Variants in TUB observed in about 807,000 individuals in gnomAD.
The protein encoded by TUB is TUB bipartite transcription factor, also known as tubby protein homolog.
TUB carries 33 observed loss-of-function variants against 59.7 expected under a neutral mutation model. That is an observed-to-expected ratio of 0.55 (90% CI 0.42 to 0.74). The LOEUF is 0.74. TUB is among the 30% of genes least tolerant of loss of function. TUB has a pLI of 0.00. For missense variants in TUB, 659 were observed against 672.0 expected, an observed-to-expected ratio of 0.98 and a Z score of 0.21; for synonymous variants, 293 against 256.4, an observed-to-expected ratio of 1.14 and a Z score of -1.36.
chr11:8,061,591 G>A (rs140028852), intron 2 of TUB, among the ~76,000 whole-genome samples: 96 of 152,226 alleles, frequency 6.3e-4, no homozygotes, highest in Non-Finnish European at 1.1e-3. Context: ...GTAGGACGAG[G>A]ACAGTCGGCT....
upstream of TUB, among the ~76,000 whole-genome samples, chr11:8,078,930 C>T (rs1356919274): frequency 6.6e-6 from 1 of 152,064 alleles, no homozygotes; most frequent in African/African-American, 2.4e-5. Flanking sequence ...TGTACACACA[C>T]TCACACTCAT....
chr11:8,040,380 G>A (rs891964547), intron 2 of TUB, among the ~76,000 whole-genome samples: 24 of 152,272 alleles, frequency 1.6e-4, no homozygotes, highest in South Asian at 8.3e-4. Context: ...TCTGCTGGGC[G>A]TCCCCAACAC....
In TUB at chr11:8,103,615, G is replaced by A. The variant is rs1241036184; in HGVS notation, c.*1996G>A. On this transcript the variant is annotated 3_prime_UTR_variant, in exon 12 of 12. Transcript: ENST00000299506. ...CGATTAGCTTTTGCAACATGGTCCA[G>A]TTTCTAGAGGGCACTAGAACTTTGT... 6.6e-6 allele frequency: 1 copy of A among 152,630 alleles called. No individual in the cohort carries two copies. The highest frequency in any genetic ancestry group is 1.9e-4 in the East Asian group (1 of 5,180). 9.5% of individuals were successfully genotyped at this position (152,630 alleles called of 1,614,324 possible).
At chr11:8,059,572 G>A (rs932627787) in intron 2 of TUB, among the ~76,000 whole-genome samples, 1 of 152,102 alleles carries the variant, frequency 6.6e-6, no homozygotes, top group African/African-American at 2.4e-5. Context: ...GCCTTGATCT[G>A]AGGAGACGAG....
intron 2 of TUB, among the ~76,000 whole-genome samples, chr11:8,061,808 G>A (rs1009614604): frequency 1.3e-5 from 2 of 152,070 alleles, no homozygotes; most frequent in Non-Finnish European, 2.9e-5. Flanking sequence ...GAACTCCAAG[G>A]TCCCCCAGCT....
rs1379741195 is a variant in TUB at position 8,038,781 on chromosome 11, G to C, written c.-93G>C. 6 of 1,537,118 alleles carry C rather than the reference G, an allele frequency of 3.9e-6. No homozygotes were observed. In the African/African-American group the frequency reaches 6.9e-5, roughly 18 times the overall value. ...ACATCCAAGTGCTGGTTTCAGTACT[G>C]AGGCGAATACAGGGAATTTCAACAG... On this transcript the variant is annotated 5_prime_UTR_variant, in exon 1 of 13. Coordinates refer to the TUB transcript ENST00000305253.
chr11:8,030,063 G>A (rs183432764), intron 1 of TUB, among the ~76,000 whole-genome samples: 148 of 152,272 alleles, frequency 9.7e-4, no homozygotes, highest in Admixed American at 1.5e-3. Context: ...TCCAGCTGGT[G>A]TAACTGGGGC....
rs932546123 is a variant in TUB at position 8,092,763 on chromosome 11, C to T, written c.254-1283C>T. ...GGGAGGCTGCTGCACACACGCGTGG[C>T]CTACCCAGGAACTGGTGTTTCCAGG... On this transcript the variant is annotated intron_variant, in intron 3 of 11. Transcript: ENST00000299506. Among the ~76,000 whole-genome samples, 6 of 152,276 alleles carry T rather than the reference C, an allele frequency of 3.9e-5. No individual in the cohort carries two copies. In the East Asian group the frequency reaches 9.7e-4, roughly 25 times the overall value.
intron 1 of TUB, among the ~76,000 whole-genome samples, chr11:8,024,090 A>G (rs1589917681): frequency 6.6e-6 from 1 of 152,242 alleles, no homozygotes; most frequent in East Asian, 1.9e-4. Context: ...TACTCCTGCC[A>G]TAACACGAAG....
At chr11:8,095,277 T>C (rs1943936360) in intron 4 of TUB, among the ~76,000 whole-genome samples, 1 of 152,160 alleles carries the variant, frequency 6.6e-6, no homozygotes. Flanking sequence ...CCTCGGCAAT[T>C]AATTTGGGGG....
At chr11:8,092,348 G>C (rs1217462694) in intron 3 of TUB, among the ~76,000 whole-genome samples, 1 of 151,994 alleles carries the variant, frequency 6.6e-6, no homozygotes, top group Non-Finnish European at 1.5e-5. Flanking sequence ...TTGAGCCCAG[G>C]AGTTCAAGAC....
upstream of TUB, chr11:8,035,944 A>G (rs74647705): frequency 0.037 from 5,649 of 152,374 alleles, 164 homozygotes; most frequent in Non-Finnish European, 0.056. Flanking sequence ...CGCAGAGGGT[A>G]GGTCTCATTC....
intron 2 of TUB, among the ~76,000 whole-genome samples, chr11:8,064,462 A>G (rs975651666): frequency 1.3e-5 from 2 of 152,218 alleles, no homozygotes; most frequent in African/African-American, 4.8e-5. Flanking sequence ...GAGTTTACCC[A>G]GTACCTGTAA....
At chr11:8,089,451 C>T (rs1245949871) in intron 1 of TUB, among the ~76,000 whole-genome samples, 159 bp from the exon 2 acceptor site, 1 of 152,190 alleles carries the variant, frequency 6.6e-6, no homozygotes, top group African/African-American at 2.4e-5. Flanking sequence ...TTCAAGATGG[C>T]AGGCTCCACC....
intron 2 of TUB, among the ~76,000 whole-genome samples, chr11:8,044,071 A>G (rs1184534956): frequency 6.6e-6 from 1 of 151,402 alleles, no homozygotes; most frequent in Non-Finnish European, 1.5e-5. Context: ...AGTTTTCTTC[A>G]CGTTTCTTCC....
chr11:8,098,963 C>A, intron 9 of TUB, 88 bp downstream of exon 9: 1 of 970,362 alleles, frequency 1.0e-6, no homozygotes. Context: ...TCCCATCCAT[C>A]TTAGTGGGTA....
chr11:8,097,603 A>G (rs965742219), intron 7 of TUB, 111 bp from the exon 8 acceptor site: 2 of 1,299,346 alleles, frequency 1.5e-6, no homozygotes, highest in Non-Finnish European at 2.2e-6. Flanking sequence ...GTGTGTGCAC[A>G]TATGTGCGTT....
chr11:8,057,451 C>T (rs984284713), intron 2 of TUB, among the ~76,000 whole-genome samples: 2 of 152,144 alleles, frequency 1.3e-5, no homozygotes, highest in Non-Finnish European at 2.9e-5. Context: ...CAAAGTTTTC[C>T]AGAGCTTATA....
In TUB at chr11:8,095,450, C is replaced by T. The variant is rs538206420; in HGVS notation, c.398-48C>T. Reference sequence around the variant, plus strand: ...TCATGGACGTCTGAGAATCCAGGCCCTCCTCTCCTCCTCCTGGATGTAACT... The same window carrying T: ...TCATGGACGTCTGAGAATCCAGGCCTTCCTCTCCTCCTCCTGGATGTAACT... On this transcript the variant is annotated intron_variant, in intron 4 of 11. Coordinates refer to ENST00000299506, the MANE Select transcript of TUB (RefSeq NM_177972.3). 7.0e-5 allele frequency: 110 copies of T among 1,560,328 alleles called. No individual in the cohort carries two copies. The East Asian group carries it at 2.1e-3, about 30-fold the overall frequency.
Sources: allele counts gnomAD v4.1 joint callset (sites outside exome capture counted in the v4.1 genomes callset), GRCh38; gene constraint gnomAD v4.1.1; transcripts MANE v1.5; gene names NCBI Gene and HGNC (gene_info 2026-07-23, HGNC 2026-07-21).